Variants in ADGRL2 observed in about 807,000 individuals in gnomAD.
The protein encoded by ADGRL2 is calcium-independent alpha-latrotoxin receptor 2.
Under a neutral mutation model 157.4 loss-of-function variants are expected in ADGRL2, and 44 were observed. The observed-to-expected ratio is 0.28, with a 90% CI of 0.22 to 0.36. The LOEUF (loss-of-function observed/expected upper bound fraction) is 0.36. ADGRL2 is among the 10% of genes least tolerant of loss of function. The pLI, the probability that ADGRL2 is intolerant of heterozygous loss-of-function variation, is 1.00. For synonymous variants in ADGRL2, 585 were observed against 624.7 expected (o/e 0.94, Z 0.95); for missense variants, 1,510 against 1,768.9 (o/e 0.85, Z 2.63).
intron 1 of ADGRL2, among the ~76,000 whole-genome samples, chr1:81,758,397 G>T (rs2085761975): frequency 6.6e-6 from 1 of 152,110 alleles, no homozygotes. Flanking sequence ...ATCTCCTGAG[G>T]TTCTTGAATG....
chr1:81,868,510 C>G (rs1424530102), intron 2 of ADGRL2, among the ~76,000 whole-genome samples: 3 of 152,084 alleles, frequency 2.0e-5, no homozygotes, highest in Non-Finnish European at 4.4e-5. Context: ...GGTAAGCTCT[C>G]CTGGGTTCAG....
At chr1:81,362,362 G>A (rs745699407) in intron 1 of ADGRL2, among the ~76,000 whole-genome samples, 5 of 150,486 alleles carry the variant, frequency 3.3e-5, no homozygotes, top group Non-Finnish European at 5.9e-5. Context: ...TATGTTCAAG[G>A]TTAATCTTAT....
intron 2 of ADGRL2, among the ~76,000 whole-genome samples, chr1:81,507,506 GT>G: frequency 6.6e-6 from 1 of 152,150 alleles, no homozygotes; most frequent in Non-Finnish European, 1.5e-5. Flanking sequence ...GTGACCACGT[GT>G]TTTGGAATTG....
chr1:81,801,113 A>G (rs1354513192), intron 1 of ADGRL2, among the ~76,000 whole-genome samples, 45 bp downstream of exon 1: 1 of 152,098 alleles, frequency 6.6e-6, no homozygotes, highest in South Asian at 2.1e-4. Context: ...TTGGGCGCAC[A>G]GCCGCAGCAG....
intron 3 of ADGRL2, chr1:81,596,099 G>T (rs1362303457): frequency 3.4e-5 from 10 of 297,138 alleles, no homozygotes; most frequent in Non-Finnish European, 4.9e-5. Context: ...TGGGAACTAG[G>T]ATCTTTTTTT....
chr1:81,905,550 TAAC>T (rs536667834), intron 2 of ADGRL2, among the ~76,000 whole-genome samples: 10 of 152,152 alleles, frequency 6.6e-5, no homozygotes, highest in Admixed American at 4.6e-4. Flanking sequence ...TCCTGCAAAC[TAAC>T]AACAACAACA....
intron 2 of ADGRL2, among the ~76,000 whole-genome samples, chr1:81,856,051 C>T (rs1423782051): frequency 6.6e-6 from 1 of 151,976 alleles, no homozygotes; most frequent in Admixed American, 6.6e-5. Flanking sequence ...GGTCATATTG[C>T]CCAGCTGGTC....
At chr1:81,610,539 A>C (rs2081520852) in intron 3 of ADGRL2, among the ~76,000 whole-genome samples, 1 of 152,184 alleles carries the variant, frequency 6.6e-6, no homozygotes, top group African/African-American at 2.4e-5. Flanking sequence ...CTTGGATTTT[A>C]TTCCAAATGT....
At chr1:81,615,520 C>G (rs1002633817) in intron 3 of ADGRL2, among the ~76,000 whole-genome samples, 5 of 152,168 alleles carry the variant, frequency 3.3e-5, no homozygotes, top group Non-Finnish European at 7.4e-5. Context: ...AAGGAAGAAA[C>G]TCCAGACACA....
At chr1:81,544,919 C>T (rs1219425533) in intron 2 of ADGRL2, among the ~76,000 whole-genome samples, 1 of 152,098 alleles carries the variant, frequency 6.6e-6, no homozygotes, top group East Asian at 1.9e-4. Flanking sequence ...ATGATCTTTC[C>T]ATCAGTTTCT....
intron 3 of ADGRL2, among the ~76,000 whole-genome samples, chr1:81,664,303 G>T (rs1270795751): frequency 2.0e-5 from 3 of 151,874 alleles, no homozygotes; most frequent in Non-Finnish European, 2.9e-5. Context: ...TTTATAATAA[G>T]AATATTTTTC....
intron 1 of ADGRL2, among the ~76,000 whole-genome samples, chr1:81,411,874 C>T (rs1420556412): frequency 5.1e-5 from 7 of 137,970 alleles, no homozygotes; most frequent in East Asian, 4.2e-4. Context: ...AGCGAGACTC[C>T]GTCTTAAAAA....
intron 2 of ADGRL2, among the ~76,000 whole-genome samples, chr1:81,882,008 C>T (rs746068499): frequency 2.0e-5 from 3 of 152,102 alleles, no homozygotes; most frequent in African/African-American, 7.2e-5. Context: ...TAATGGGCCT[C>T]TCTTCTTTCC....
At chr1:81,804,923 AAGTC>A (rs1190571622) in intron 1 of ADGRL2, among the ~76,000 whole-genome samples, 1 of 152,188 alleles carries the variant, frequency 6.6e-6, no homozygotes, top group South Asian at 2.1e-4. Flanking sequence ...AATAGGGAAA[AAGTC>A]AGCGGAGGAT....
At chr1:81,898,759 A>T (rs542893251) in intron 2 of ADGRL2, among the ~76,000 whole-genome samples, 1 of 152,342 alleles carries the variant, frequency 6.6e-6, no homozygotes, top group East Asian at 1.9e-4. Context: ...CATCTAAGTT[A>T]AGATGAAATT....
At chr1:81,832,124 C>T (rs912742193) in intron 1 of ADGRL2, among the ~76,000 whole-genome samples, 1 of 152,060 alleles carries the variant, frequency 6.6e-6, no homozygotes, top group Non-Finnish European at 1.5e-5. Context: ...AATTTTAAGA[C>T]ATTGTATTTC....
At chr1:81,800,658 A>G (rs908394489), upstream of ADGRL2, 1 of 150,898 alleles carries the variant, frequency 6.6e-6, no homozygotes, top group Non-Finnish European at 1.5e-5. Context: ...TCTCCCAAAT[A>G]CTCTTCACCC....
intron 1 of ADGRL2, among the ~76,000 whole-genome samples, chr1:81,348,903 C>T (rs1662672256): frequency 6.6e-6 from 1 of 152,258 alleles, no homozygotes; most frequent in Admixed American, 6.5e-5. Context: ...GATTCCTGTT[C>T]AGAGTAGCAA....
At chr1:81,488,612 G>A (rs1236074347) in intron 2 of ADGRL2, among the ~76,000 whole-genome samples, 1 of 152,030 alleles carries the variant, frequency 6.6e-6, no homozygotes, top group African/African-American at 2.4e-5. Flanking sequence ...GGAGGCTGAG[G>A]TGAGAAGATA....
Sources: allele counts gnomAD v4.1 joint callset (sites outside exome capture counted in the v4.1 genomes callset), GRCh38; gene constraint gnomAD v4.1.1; transcripts MANE v1.5; gene names NCBI Gene and HGNC (gene_info 2026-07-23, HGNC 2026-07-21).